Variants in DDC observed in about 807,000 individuals in gnomAD.
DDC encodes aromatic-L-amino-acid decarboxylase.
Under a neutral mutation model 60.0 loss-of-function variants are expected in DDC, and 43 were observed. The ratio of observed to expected loss-of-function variants is 0.72; its 90% CI spans 0.56 to 0.92. DDC has a LOEUF of 0.92. DDC is among the 40% of genes least tolerant of loss of function. DDC has a pLI of 0.00. For synonymous variants in DDC, 232 were observed against 234.6 expected (o/e 0.99, Z 0.10); for missense variants, 573 against 620.2 (o/e 0.92, Z 0.81).
At chr7:50,490,585 G>T (rs1020890757) in intron 9 of DDC, among the ~76,000 whole-genome samples, 2 of 152,140 alleles carry the variant, frequency 1.3e-5, no homozygotes, top group African/African-American at 2.4e-5. Flanking sequence ...CAGGAGACTC[G>T]CTTGAACCTG....
chr7:50,531,979 G>C (rs1483380859), intron 4 of DDC: 1 of 152,212 alleles, frequency 6.6e-6, no homozygotes, highest in Non-Finnish European at 1.5e-5. Context: ...GCAAAAAATT[G>C]TCTTTTCTTC....
intron 14 of DDC, among the ~76,000 whole-genome samples, chr7:50,459,452 T>C: frequency 6.9e-6 from 1 of 145,624 alleles, no homozygotes; most frequent in African/African-American, 2.6e-5. Flanking sequence ...TCTGCCTGGC[T>C]ACCCAGTCTG....
chr7:50,563,245 G>T (rs1476548396), intron 1 of DDC, among the ~76,000 whole-genome samples: 1 of 151,990 alleles, frequency 6.6e-6, no homozygotes, highest in African/African-American at 2.4e-5. Flanking sequence ...TAATTAATTG[G>T]ATTGAATTGC....
chr7:50,527,622 A>G (rs1563028827), intron 6 of DDC: 1 of 161,898 alleles, frequency 6.2e-6, no homozygotes, highest in Non-Finnish European at 1.4e-5. Context: ...ACCTCCCCGC[A>G]CATTCTGTTG....
intron 5 of DDC, among the ~76,000 whole-genome samples, 180 bp downstream of exon 5, chr7:50,529,028 T>C (rs2044120817): frequency 1.3e-5 from 2 of 152,160 alleles, no homozygotes; most frequent in African/African-American, 4.8e-5. Flanking sequence ...CTTCTTAACT[T>C]GATCTATCCA....
At chr7:50,519,132 A>T (rs1294829620) in intron 6 of DDC, among the ~76,000 whole-genome samples, 1 of 70,212 alleles carries the variant, frequency 1.4e-5, no homozygotes, top group Non-Finnish European at 3.5e-5. Flanking sequence ...CAACAAACAT[A>T]TAAAAAAAAT....
chr7:50,528,071 T>G (rs930320536), intron 6 of DDC, 66 bp downstream of exon 6: 9 of 1,577,410 alleles, frequency 5.7e-6, no homozygotes, highest in Non-Finnish European at 7.8e-6. Flanking sequence ...TAATTTTTTT[T>G]TGTATTTTTA....
chr7:50,544,650 T>G (rs1292362505), intron 1 of DDC, among the ~76,000 whole-genome samples: 2 of 152,226 alleles, frequency 1.3e-5, no homozygotes, highest in East Asian at 3.9e-4. Flanking sequence ...CAGATGGAAC[T>G]GCACCTTTAC....
intron 1 of DDC, among the ~76,000 whole-genome samples, chr7:50,563,840 G>A (rs1317791821): frequency 6.6e-6 from 1 of 152,180 alleles, no homozygotes; most frequent in Non-Finnish European, 1.5e-5. Flanking sequence ...GAGCACAAGT[G>A]ATCTGCCCGC....
At chr7:50,503,951 C>G in intron 7 of DDC, 42 bp downstream of exon 7, 3 of 1,410,266 alleles carry the variant, frequency 2.1e-6, no homozygotes, top group Non-Finnish European at 3.0e-6. Context: ...TCCCCGTGTA[C>G]AGAGAACATT....
At chr7:50,539,887 C>T (rs550484577) in intron 3 of DDC, 28 bp downstream of exon 3, 1 of 1,573,702 alleles carries the variant, frequency 6.4e-7, no homozygotes, top group Non-Finnish European at 8.7e-7. Flanking sequence ...AGCCAGGACC[C>T]CTTCCCGAGG....
intron 4 of DDC, among the ~76,000 whole-genome samples, chr7:50,535,400 G>A (rs1195715476): frequency 7.2e-5 from 11 of 152,192 alleles, no homozygotes; most frequent in Admixed American, 3.9e-4. Flanking sequence ...GCCTGCCTTG[G>A]CCTCACAAAG....
rs762645841 is a variant in DDC, at chr7:50,504,041, T to C, written c.733A>G (p.Thr245Ala). The C allele has an allele frequency of 3.1e-6, 5 of 1,613,774 alleles. No homozygotes were observed. In the South Asian group the frequency reaches 5.5e-5, roughly 18 times the overall value. The part of the protein sequence containing the change: ...IPFFMVATLG[T>A]TTCCSFDNLL... ...TTGTCAAAGGAGCAGCATGTTGTGG[T>C]CCCCAGGGTGGCAACCATCTAGAGG... is the stretch of plus-strand genomic sequence containing the variant. The change falls in exon 7 of 15, where the codon ACC becomes GCC. Residue 245 changes from threonine to alanine, a missense_variant. Thr to Ala is a moderately conservative substitution (Grantham distance 58). Coordinates refer to ENST00000444124, the MANE Select transcript of DDC (RefSeq NM_001082971.2).
chr7:50,532,385 G>A (rs903109938), intron 4 of DDC, among the ~76,000 whole-genome samples: 4 of 152,198 alleles, frequency 2.6e-5, no homozygotes, highest in Admixed American at 6.5e-5. Context: ...CAAAAATGAG[G>A]TTGTCTTTAA....
Position 50,550,276 on chromosome 7 carries a change from T to C in DDC, c.-28-6163A>G, listed in dbSNP as rs184501490. ...TTATGTTTGCTGAAGGATCAGATGA[T>C]CGTTAGCATTTTTAGCAATACATTA... On this transcript the variant is annotated intron_variant, in intron 1 of 14. Coordinates refer to ENST00000444124, the MANE Select transcript of DDC (RefSeq NM_001082971.2). 5.3e-5 allele frequency among the ~76,000 whole-genome samples: 8 copies of C among 152,374 alleles called. No homozygotes were observed. The East Asian group carries it at 1.5e-3, about 29-fold the overall frequency.
intron 1 of DDC, among the ~76,000 whole-genome samples, chr7:50,554,658 G>A (rs2045121572): frequency 6.6e-6 from 1 of 152,132 alleles, no homozygotes; most frequent in African/African-American, 2.4e-5. Flanking sequence ...TAACAGTCAG[G>A]GACTAGAGCC....
chr7:50,503,905 G>T, intron 7 of DDC, 88 bp downstream of exon 7: 2 of 955,242 alleles, frequency 2.1e-6, no homozygotes, highest in South Asian at 1.3e-5. Flanking sequence ...TGAAGTTAAC[G>T]ACAAGAAAGA....
chr7:50,539,090 T>C (rs1295181868), intron 3 of DDC: 1 of 152,350 alleles, frequency 6.6e-6, no homozygotes, highest in Non-Finnish European at 1.5e-5. Flanking sequence ...AATTCCTAAT[T>C]GACAGCTCCT....
chr7:50,473,922 G>A (rs1225135164), intron 11 of DDC, among the ~76,000 whole-genome samples: 1 of 152,236 alleles, frequency 6.6e-6, no homozygotes, highest in Non-Finnish European at 1.5e-5. Context: ...CTCCCTCAGT[G>A]GCCTGGGAGT....
Sources: gnomAD v4.1 joint callset for allele counts (sites outside exome capture counted in the v4.1 genomes callset) on GRCh38, gnomAD v4.1.1 for gene constraint, MANE v1.5 for transcripts, NCBI Gene and HGNC (gene_info 2026-07-23, HGNC 2026-07-21) for gene names.